The following SAMD3 variants were observed in gnomAD, a reference collection of about 807,000 sequenced individuals.
The protein encoded by SAMD3 is sterile alpha motif domain-containing protein 3.
In SAMD3, 63 loss-of-function variants were observed where a neutral mutation model predicts 58.5. The observed-to-expected ratio is 1.08, with a 90% CI of 0.88 to 1.33. SAMD3 has a LOEUF of 1.33. Among genes scored for constraint, SAMD3 ranks in the 40% most tolerant of loss-of-function variants. The probability of loss-of-function intolerance (pLI) is 0.00; values close to 1 mark genes in which losing one functional copy is unlikely to be tolerated. For missense variants in SAMD3, 604 were observed against 608.4 expected (o/e 0.99, Z 0.08); for synonymous variants, 220 against 210.3 (o/e 1.05, Z -0.40).
chr6:130,365,092 A>T, intron 1 of SAMD3: 2 of 797,386 alleles, frequency 2.5e-6, no homozygotes, highest in Non-Finnish European at 3.0e-6. Context: ...AATATCCGGT[A>T]ATTAGTTTTA....
In SAMD3 at chr6:130,146,026, A is replaced by G. The variant is rs770049758; in HGVS notation, c.1179T>C (p.Asp393=). The G allele has an allele frequency of 7.8e-6, 12 of 1,545,784 alleles. No homozygotes were observed. The highest frequency in any genetic ancestry group is 1.4e-5 in the African/African-American group (1 of 72,064). The part of the protein sequence containing the change: ...VLQEKMKHYT[D]EDMLKYMKMT... ...TTTACTAACATTTCAACATGTCTTC[A>G]TCTGTGTAATGTTTCATTTTTTCTT... Residue 393 remains aspartate, a synonymous_variant, in exon 10 of 12, where the codon GAT becomes GAC. Coordinates refer to ENST00000439090, the MANE Select transcript of SAMD3 (RefSeq NM_001017373.4).
intron 2 of SAMD3, among the ~76,000 whole-genome samples, chr6:130,286,858 C>T (rs957935125): frequency 6.6e-5 from 10 of 152,230 alleles, no homozygotes; most frequent in African/African-American, 2.4e-4. Flanking sequence ...TAGAGGTGCA[C>T]ACAACCACGC....
chr6:130,267,156 T>G (rs1292037627), intron 2 of SAMD3, among the ~76,000 whole-genome samples: 5 of 152,266 alleles, frequency 3.3e-5, no homozygotes, highest in Admixed American at 3.3e-4. Context: ...GGCAAGTAGT[T>G]AAAGACATAG....
intron 1 of SAMD3, among the ~76,000 whole-genome samples, chr6:130,218,889 C>T (rs1796110812): frequency 1.3e-5 from 2 of 152,102 alleles, no homozygotes; most frequent in South Asian, 2.1e-4. Flanking sequence ...TGGTAGGCAA[C>T]CACAGGAGAC....
intron 2 of SAMD3, among the ~76,000 whole-genome samples, chr6:130,268,515 C>T (rs1195837434): frequency 1.3e-5 from 2 of 152,184 alleles, no homozygotes; most frequent in Non-Finnish European, 2.9e-5. Context: ...CACTCACCCA[C>T]TCATACAGAG....
chr6:130,327,055 G>A (rs1332306199), intron 1 of SAMD3, among the ~76,000 whole-genome samples: 1 of 151,852 alleles, frequency 6.6e-6, no homozygotes, highest in East Asian at 1.9e-4. Context: ...TTTTAGCTTG[G>A]CATGTTTCTT....
intron 4 of SAMD3, among the ~76,000 whole-genome samples, chr6:130,210,017 G>A (rs1424219357): frequency 2.0e-5 from 3 of 152,080 alleles, no homozygotes; most frequent in Admixed American, 1.3e-4. Context: ...TATTATCTGT[G>A]AAACCTCAGG....
intron 1 of SAMD3, among the ~76,000 whole-genome samples, chr6:130,314,470 T>C (rs1305076410): frequency 6.6e-6 from 1 of 152,216 alleles, no homozygotes; most frequent in Non-Finnish European, 1.5e-5. Flanking sequence ...ATCAAAGGCA[T>C]ACGTTCTTAC....
chr6:130,181,488 G>C (rs1432278516), intron 7 of SAMD3, among the ~76,000 whole-genome samples: 1 of 152,160 alleles, frequency 6.6e-6, no homozygotes, highest in African/African-American at 2.4e-5. Flanking sequence ...GCCCTAATCT[G>C]CTAAGCAATT....
intron 2 of SAMD3, among the ~76,000 whole-genome samples, chr6:130,289,142 A>T (rs1775276998): frequency 6.6e-6 from 1 of 152,182 alleles, no homozygotes; most frequent in East Asian, 1.9e-4. Context: ...AAGGAGAAGG[A>T]TGTTGTTGTT....
chr6:130,171,892 C>A (rs1791285084), intron 8 of SAMD3, among the ~76,000 whole-genome samples: 1 of 152,204 alleles, frequency 6.6e-6, no homozygotes, highest in African/African-American at 2.4e-5. Flanking sequence ...CTGGGTGCTC[C>A]TGTACTAGGT....
chr6:130,240,542 C>T (rs1307558452), intron 2 of SAMD3, among the ~76,000 whole-genome samples: 4 of 152,290 alleles, frequency 2.6e-5, no homozygotes, highest in South Asian at 4.1e-4. Context: ...AACAACATGT[C>T]ATAGTGAATG....
chr6:130,308,668 A>T (rs1371796228), intron 2 of SAMD3, among the ~76,000 whole-genome samples: 2 of 151,946 alleles, frequency 1.3e-5, no homozygotes, highest in African/African-American at 4.8e-5. Context: ...CAAGGGGAAA[A>T]TTTTTTCAGT....
chr6:130,165,820 G>A (rs1030915467), intron 8 of SAMD3, among the ~76,000 whole-genome samples: 13 of 152,162 alleles, frequency 8.5e-5, no homozygotes, highest in African/African-American at 3.1e-4. Flanking sequence ...TTTACATCCT[G>A]ATGCTTCAAA....
chr6:130,186,767 ATTTTTTTTTT>A (rs35592601), intron 5 of SAMD3, among the ~76,000 whole-genome samples: 5 of 107,020 alleles, frequency 4.7e-5, no homozygotes, highest in South Asian at 3.3e-4. Context: ...CCTTCCTGGG[ATTTTTTTTTT>A]TTTTTTTTTT....
intron 9 of SAMD3, among the ~76,000 whole-genome samples, chr6:130,153,700 G>A (rs1789458249): frequency 8.2e-6 from 1 of 121,754 alleles, no homozygotes; most frequent in Non-Finnish European, 1.9e-5. Context: ...ATTTGAGACA[G>A]GGTCTCACTG....
intron 5 of SAMD3, among the ~76,000 whole-genome samples, chr6:130,189,840 T>C (rs946370056): frequency 1.3e-5 from 2 of 152,218 alleles, no homozygotes; most frequent in African/African-American, 4.8e-5. Context: ...GAATGCAGGT[T>C]TTGAAAAGAA....
At chr6:130,189,103 C>CAAAA (rs71028200) in intron 5 of SAMD3, among the ~76,000 whole-genome samples, 1 of 138,502 alleles carries the variant, frequency 7.2e-6, no homozygotes. Context: ...TTAAAAAAAC[C>CAAAA]AAAAAAAAAA....
chr6:130,214,963 T>A (rs1795904351), intron 3 of SAMD3, among the ~76,000 whole-genome samples: 1 of 152,204 alleles, frequency 6.6e-6, no homozygotes, highest in Non-Finnish European at 1.5e-5. Context: ...AAGTGACCCG[T>A]AAGACTTTTT....
Sources: gnomAD v4.1 joint callset for allele counts (sites outside exome capture counted in the v4.1 genomes callset) on GRCh38, gnomAD v4.1.1 for gene constraint, MANE v1.5 for transcripts, NCBI Gene and HGNC (gene_info 2026-07-23, HGNC 2026-07-21) for gene names.